The following MXI1 variants were observed in gnomAD, a reference collection of about 807,000 sequenced individuals.
MXI1 encodes the protein max-interacting protein 1.
A neutral mutation model predicts 36.9 loss-of-function variants in MXI1; 18 were observed. The ratio of observed to expected loss-of-function variants is 0.49; its 90% CI spans 0.34 to 0.72. The LOEUF is 0.72. MXI1 is among the 30% of genes least tolerant of loss of function. MXI1 has a pLI of 0.01. For synonymous variants in MXI1, 160 were observed against 146.7 expected, an observed-to-expected ratio of 1.09 and a Z score of -0.65; for missense variants, 304 against 379.1, an observed-to-expected ratio of 0.80 and a Z score of 1.64.
At chr10:110,280,281 AT>A (rs1207895586) in intron 5 of MXI1, among the ~76,000 whole-genome samples, 196 bp downstream of exon 5, 26 of 151,034 alleles carry the variant, frequency 1.7e-4, no homozygotes, top group Admixed American at 2.6e-4. Flanking sequence ...TTGAAAAAAA[AT>A]ATATTTATAT....
chr10:110,233,396 G>C (rs1352138941), intron 2 of MXI1, among the ~76,000 whole-genome samples: 10 of 151,984 alleles, frequency 6.6e-5, no homozygotes, highest in Admixed American at 6.6e-4. Context: ...TAGTTTCAAA[G>C]GATTTTTTCC....
intron 3 of MXI1, among the ~76,000 whole-genome samples, chr10:110,272,808 G>C (rs1425120909): frequency 6.6e-6 from 1 of 151,728 alleles, no homozygotes; most frequent in Non-Finnish European, 1.5e-5. Context: ...TTAAGTGAAA[G>C]CTGCTTTTTT....
intron 3 of MXI1, among the ~76,000 whole-genome samples, chr10:110,253,308 G>C (rs1255337947): frequency 6.6e-6 from 1 of 151,776 alleles, no homozygotes; most frequent in Non-Finnish European, 1.5e-5. Flanking sequence ...TGGATGTTTT[G>C]AGAGAGTGAT....
At chr10:110,233,521 T>C (rs1156909421) in intron 2 of MXI1, among the ~76,000 whole-genome samples, 1 of 152,132 alleles carries the variant, frequency 6.6e-6, no homozygotes, top group East Asian at 1.9e-4. Flanking sequence ...TACTATTCTG[T>C]GTTTTTCAAA....
rs1855141512 is a variant in MXI1, at chr10:110,228,472, T to A, written c.407+151T>A. 15 of 945,960 alleles carry A rather than the reference T, an allele frequency of 1.6e-5. No homozygotes were observed. The South Asian group carries it at 2.5e-4, about 16-fold the overall frequency. 58.6% of individuals were successfully genotyped at this position (945,960 alleles called of 1,614,324 possible). On this transcript the variant is annotated intron_variant, in intron 2 of 5. Coordinates refer to ENST00000332674, the MANE Select transcript of MXI1 (RefSeq NM_130439.3). ...TTAAAATAATGAAGTCTAGAAATCA[T>A]AACCTGGTTTTGCATGGAAGGAAAG...
intron 3 of MXI1, among the ~76,000 whole-genome samples, chr10:110,273,773 T>C (rs532293134): frequency 1.3e-5 from 2 of 152,316 alleles, no homozygotes; most frequent in African/African-American, 4.8e-5. Flanking sequence ...GATTTAGTTA[T>C]CTGGTAAAGT....
At chr10:110,227,393 G>A (rs1590342274) in intron 1 of MXI1, 1 of 988,658 alleles carries the variant, frequency 1.0e-6, no homozygotes, top group Non-Finnish European at 1.2e-6. Context: ...GCAGGTGCTG[G>A]GGGAGGTGCG....
chr10:110,263,190 G>GT (rs902610854), intron 3 of MXI1, among the ~76,000 whole-genome samples: 176 of 152,098 alleles, frequency 1.2e-3, no homozygotes, highest in African/African-American at 3.4e-3. Flanking sequence ...AAATAGCTGA[G>GT]TTTTTTTTGT....
intron 2 of MXI1, among the ~76,000 whole-genome samples, chr10:110,232,345 G>C (rs1208948137): frequency 6.6e-6 from 1 of 152,064 alleles, no homozygotes; most frequent in African/African-American, 2.4e-5. Flanking sequence ...CATACTTTCT[G>C]TTCCCTGCAG....
chr10:110,225,984 G>C (rs1343304536), intron 1 of MXI1: 10 of 980,744 alleles, frequency 1.0e-5, no homozygotes, highest in Non-Finnish European at 1.1e-5. Flanking sequence ...CCCCGTGCTC[G>C]CGGGGAGAGG....
At chr10:110,275,764 T>TAC (rs1379764971) in intron 3 of MXI1, among the ~76,000 whole-genome samples, 1 of 152,204 alleles carries the variant, frequency 6.6e-6, no homozygotes, top group African/African-American at 2.4e-5. Context: ...CTTCCACAGG[T>TAC]ACACCTCTGT....
intron 3 of MXI1, among the ~76,000 whole-genome samples, chr10:110,253,946 C>T (rs1856190854): frequency 1.3e-5 from 2 of 151,776 alleles, no homozygotes; most frequent in African/African-American, 2.4e-5. Flanking sequence ...ATAAGGTTGT[C>T]AACTTTCATG....
chr10:110,234,425 A>G (rs556878563), intron 2 of MXI1, among the ~76,000 whole-genome samples: 64 of 152,216 alleles, frequency 4.2e-4, no homozygotes, highest in African/African-American at 1.4e-3. Context: ...GGTTTCCTAC[A>G]TTTTAAAACA....
intron 1 of MXI1, among the ~76,000 whole-genome samples, chr10:110,215,680 CAAAAT>C (rs1854620663): frequency 2.6e-5 from 4 of 152,184 alleles, no homozygotes; most frequent in Admixed American, 2.6e-4. Flanking sequence ...AATAGTCTTT[CAAAAT>C]GAAGCTAATT....
rs1857418977 is a variant in MXI1, at chr10:110,285,986, G to T, written c.*999G>T. The T allele has an allele frequency of 6.6e-6, 1 of 152,472 alleles. No homozygotes were observed. Among genetic ancestry groups the T allele is most frequent in the Non-Finnish European group, 1.5e-5 (1 of 68,002 alleles). 9.4% of individuals were successfully genotyped at this position (152,472 alleles called of 1,614,324 possible). ...GTCTTTTATAGTGGAAAAACACATG[G>T]GGAAAAAAATCATCTATTTTGATGC... On this transcript the variant is annotated 3_prime_UTR_variant, in exon 6 of 6. Coordinates refer to ENST00000332674, the MANE Select transcript of MXI1 (RefSeq NM_130439.3).
chr10:110,256,660 A>C lies in MXI1; in HGVS notation c.437+11803A>C, dbSNP rs374433683. 5.9e-5 allele frequency among the ~76,000 whole-genome samples: 9 copies of C among 151,730 alleles called. No homozygotes were observed. The South Asian group carries it at 6.2e-4, about 11-fold the overall frequency. On this transcript the variant is annotated intron_variant, in intron 3 of 5. Coordinates refer to ENST00000332674, the MANE Select transcript of MXI1 (RefSeq NM_130439.3). ...GGCCAATATACATGTGAAATGCTTA[A>C]TATCAGTAGTCATTAGGGAAATGTG... is the stretch of plus-strand genomic sequence containing the variant.
chr10:110,257,671 T>G (rs1856363423), intron 3 of MXI1: 1 of 168,024 alleles, frequency 6.0e-6, no homozygotes, highest in Non-Finnish European at 1.3e-5. Flanking sequence ...CTCTAAGAAC[T>G]GAGGTAGCTT....
In MXI1 at chr10:110,284,870, A is replaced by G. The variant is rs1220098885; in HGVS notation, c.771A>G (p.Glu257=). The G allele has an allele frequency of 2.5e-6, 4 of 1,613,806 alleles. No individual in the cohort carries two copies. In the South Asian group the frequency reaches 3.3e-5, roughly 13 times the overall value. ...AAAGCACAGAGTTCTCCCATGGAGA[A>G]GTGGACAATATAAGTACCACCAGCA... The part of the protein sequence containing the change: ...DVESTEFSHG[E]VDNISTTSIS... The change falls in exon 6 of 6, where the codon GAA becomes GAG. Residue 257 remains glutamate, a synonymous_variant. Coordinates refer to ENST00000332674, the MANE Select transcript of MXI1 (RefSeq NM_130439.3).
intron 3 of MXI1, among the ~76,000 whole-genome samples, chr10:110,263,925 A>G (rs188650549): frequency 2.0e-5 from 3 of 152,298 alleles, no homozygotes; most frequent in Admixed American, 2.0e-4. Context: ...CTTTTTGGAA[A>G]GCTAATTGTC....
Sources: allele counts gnomAD v4.1 joint callset (sites outside exome capture counted in the v4.1 genomes callset), GRCh38; gene constraint gnomAD v4.1.1; transcripts MANE v1.5; gene names NCBI Gene and HGNC (gene_info 2026-07-23, HGNC 2026-07-21).